The following BHLHE40 variants were observed in gnomAD, a reference collection of about 807,000 sequenced individuals.
BHLHE40 encodes basic helix-loop-helix family member e40.
In BHLHE40, 3 loss-of-function variants were observed where a neutral mutation model predicts 35.7. The ratio of observed to expected loss-of-function variants is 0.08; its 90% CI spans 0.04 to 0.22. The LOEUF is 0.22. Ranked by LOEUF, BHLHE40 falls within the 10% of genes least tolerant of loss-of-function variation. The pLI is 1.00. For synonymous variants in BHLHE40, 236 were observed against 213.0 expected (o/e 1.11, Z -0.94); for missense variants, 486 against 524.0 (o/e 0.93, Z 0.71).
intron 3 of BHLHE40, 95 bp from the exon 4 acceptor site, chr3:4,981,297 T>G: frequency 1.1e-6 from 1 of 903,716 alleles, no homozygotes; most frequent in South Asian, 2.2e-5. Flanking sequence ...ACTATTCCAC[T>G]TTTTTTTTTC....
intron 4 of BHLHE40, among the ~76,000 whole-genome samples, chr3:4,982,411 T>C (rs530760501): frequency 2.0e-5 from 3 of 152,362 alleles, no homozygotes; most frequent in Non-Finnish European, 4.4e-5. Flanking sequence ...CCTCATTTTA[T>C]AACTATCCAG....
In BHLHE40 at chr3:4,979,697, A is replaced by G. The variant is rs1435442124; in HGVS notation, c.-22A>G. The G allele has an allele frequency of 1.3e-6, 2 of 1,551,118 alleles. No homozygotes were observed. Among genetic ancestry groups the G allele is most frequent in the Admixed American group, 2.0e-5 (1 of 51,108 alleles). Reference sequence around the variant, plus strand: ...TCCGCTAGTGCAGACAGGAGCGCGCAGTGGCCCCGGCTCGCCGCGCCATGG... The same window carrying G: ...TCCGCTAGTGCAGACAGGAGCGCGCGGTGGCCCCGGCTCGCCGCGCCATGG... On this transcript the variant is annotated 5_prime_UTR_variant, in exon 1 of 5. Coordinates refer to ENST00000256495, the MANE Select transcript of BHLHE40 (RefSeq NM_003670.3).
chr3:4,981,142 G>C (rs2053190727), intron 3 of BHLHE40, among the ~76,000 whole-genome samples: 1 of 147,772 alleles, frequency 6.8e-6, no homozygotes, highest in African/African-American at 2.5e-5. Flanking sequence ...GGTGGCACCC[G>C]TTTTTTTAAA....
Position 4,983,788 on chromosome 3 carries a change from G to C in BHLHE40, c.*96G>C. ...GTGAATGCTGCAAGATTGTTGCATTGTGTATACTGAGATAATCTGAGGCAT... is the reference window on the plus strand; with the variant it reads ...GTGAATGCTGCAAGATTGTTGCATTCTGTATACTGAGATAATCTGAGGCAT... On this transcript the variant is annotated 3_prime_UTR_variant, in exon 5 of 5. Transcript: ENST00000256495. This position sits in a 1 kb window ranked among gnomAD's most constrained non-coding sequence, Gnocchi z 5.0. The C allele has an allele frequency of 5.6e-6, 8 of 1,429,354 alleles. No individual in the cohort carries two copies. Among genetic ancestry groups the C allele is most frequent in the Non-Finnish European group, 7.5e-6 (8 of 1,065,662 alleles). The allele number at this position is 1,429,354 out of a possible 1,614,324, so 88.5% of individuals were successfully genotyped here. A position where few individuals can be genotyped will look rare whatever the true frequency, so the allele number is the denominator to read the frequency against.
chr3:4,983,912 T>C lies in BHLHE40; in HGVS notation c.*220T>C, dbSNP rs992307268. 1.0e-5 allele frequency: 6 copies of C among 596,632 alleles called. No individual in the cohort carries two copies. The highest frequency in any genetic ancestry group is 1.9e-5 in the African/African-American group (1 of 53,460). The allele number at this position is 596,632 out of a possible 1,614,324, so 37.0% of individuals were successfully genotyped here. A position where few individuals can be genotyped will look rare whatever the true frequency, so the allele number is the denominator to read the frequency against. On this transcript the variant is annotated 3_prime_UTR_variant, in exon 5 of 5. Transcript: ENST00000256495. The surrounding 1 kb of genome is among the most constrained non-coding windows in gnomAD (Gnocchi z 5.0). ...TGTTGGTATAGGACTTTAAAGCTCC[T>C]TTTGGCATAGGGAAGTCACGAAGGA...
At chr3:4,981,537 G>C (rs780019423) in intron 4 of BHLHE40, 22 bp downstream of exon 4, 1 of 1,612,222 alleles carries the variant, frequency 6.2e-7, no homozygotes, top group South Asian at 1.1e-5. Flanking sequence ...TTCTGGCTAT[G>C]CTCTCTTTAA....
intron 1 of BHLHE40, 45 bp downstream of exon 1, chr3:4,979,843 A>G (rs370557443): frequency 1.5e-4 from 245 of 1,596,144 alleles, no homozygotes; most frequent in Admixed American, 8.8e-5. Context: ...CTGCAGCCCC[A>G]TGTTATGCGC....
At chr3:4,982,723 TA>T in intron 4 of BHLHE40, 112 bp from the exon 5 acceptor site, 1 of 1,279,674 alleles carries the variant, frequency 7.8e-7, no homozygotes, top group Non-Finnish European at 1.1e-6. Context: ...CACAAATCAG[TA>T]AATGCATTTT....
rs200850403 is a variant in BHLHE40 at position 4,983,003 on chromosome 3, C to G, written c.550C>G (p.Gln184Glu). ...CCACCGGGTGGTCTCGGAGCTGCTG[C>G]AGGGTGGTACCTCCAGGAAGCCATC... ...HLHRVVSELL[Q>E]GGTSRKPSDP... The change falls in exon 5 of 5, where the codon CAG becomes GAG. Residue 184 changes from glutamine (Q) to glutamate (E), a missense_variant. This residue lies in a region of BHLHE40 where 176 missense variants were observed against 180.5 expected (regional missense o/e 0.98). Transcript: ENST00000256495. The surrounding 1 kb of genome is among the most constrained non-coding windows in gnomAD (Gnocchi z 5.0). 1.2e-6 allele frequency: 2 copies of G among 1,613,486 alleles called. No individual in the cohort carries two copies. Among genetic ancestry groups the G allele is most frequent in the African/African-American group, 2.7e-5 (2 of 75,026 alleles).
In BHLHE40 at chr3:4,983,308, C is replaced by G. The variant is rs778322402; in HGVS notation, c.855C>G (p.Pro285=). 1 of 1,614,144 alleles carries G rather than the reference C, an allele frequency of 6.2e-7. No homozygotes were observed. The highest frequency in any genetic ancestry group is 8.5e-7 in the Non-Finnish European group (1 of 1,180,020). The change falls in exon 5 of 5, where the codon CCC becomes CCG. Residue 285 remains proline, a synonymous_variant. Coordinates refer to ENST00000256495, the MANE Select transcript of BHLHE40 (RefSeq NM_003670.3). This position sits in a 1 kb window ranked among gnomAD's most constrained non-coding sequence, Gnocchi z 5.0. ...IGAIKQESEE[P]PTKKNRMQLS... The stretch of plus-strand genomic sequence containing the variant: ...CAATTAAGCAAGAGTCCGAAGAACC[C>G]CCCACAAAAAAGAACCGGATGCAGC...
Position 4,984,776 on chromosome 3 carries a change from T to C in BHLHE40, c.*1084T>C, listed in dbSNP as rs910822498. On this transcript the variant is annotated 3_prime_UTR_variant, in exon 5 of 5. Coordinates refer to ENST00000256495, the MANE Select transcript of BHLHE40 (RefSeq NM_003670.3). ...AGTTTTATTTTTGGTCCAGAGTACT[T>C]GTTTTCCCGATGTGTCCAGCCAGCT... 1 of 152,656 alleles carries C rather than the reference T, an allele frequency of 6.6e-6. No individual in the cohort carries two copies. Among genetic ancestry groups the C allele is most frequent in the African/African-American group, 2.4e-5 (1 of 41,462 alleles). The allele number at this position is 152,656 out of a possible 1,614,324, so 9.5% of individuals were successfully genotyped here.
At position 4,979,492 on chromosome 3, in the gene BHLHE40, CTG is replaced by C. The variant is rs1291923153; in HGVS notation, c.-224_-223del. On this transcript the variant is annotated 5_prime_UTR_variant, in exon 1 of 5. Transcript: ENST00000256495. ...CGCGCAGGGAGCACACACCGCCAGT[CTG>C]TGCGCTGAGTCGGAGCCAGAGGCCG... is the stretch of plus-strand genomic sequence containing the variant. The C allele has an allele frequency of 1.7e-6, 1 of 594,540 alleles. No homozygotes were observed. The highest frequency in any genetic ancestry group is 3.0e-6 in the Non-Finnish European group (1 of 334,448). The allele number at this position is 594,540 out of a possible 1,614,324, so 36.8% of individuals were successfully genotyped here. A position where few individuals can be genotyped will look rare whatever the true frequency, so the allele number is the denominator to read the frequency against.
chr3:4,982,712 A>T (rs1360654399), intron 4 of BHLHE40, 124 bp from the exon 5 acceptor site: 1 of 1,247,450 alleles, frequency 8.0e-7, no homozygotes, highest in Non-Finnish European at 1.1e-6. Context: ...GGAGTTAGGA[A>T]CACAAATCAG....
intron 3 of BHLHE40, 25 bp downstream of exon 3, chr3:4,980,433 C>T (rs2053182033): frequency 1.3e-6 from 2 of 1,597,752 alleles, no homozygotes; most frequent in East Asian, 2.2e-5. Context: ...GGCCCCTTTC[C>T]AACCCAGTCC....
rs1377398704 is a variant in BHLHE40 at position 4,979,473 on chromosome 3, G to C, written c.-246G>C. On this transcript the variant is annotated 5_prime_UTR_variant, in exon 1 of 5. Transcript: ENST00000256495. ...TCGCACGGCGCAGACAGACCGCGCA[G>C]GGAGCACACACCGCCAGTCTGTGCG... 2 of 449,560 alleles carry C rather than the reference G, an allele frequency of 4.4e-6. No homozygotes were observed. The highest frequency in any genetic ancestry group is 8.1e-6 in the Non-Finnish European group (2 of 246,898). 27.8% of individuals were successfully genotyped at this position (449,560 alleles called of 1,614,324 possible).
rs1364327750 is a variant in BHLHE40, at chr3:4,979,727, G to C, written c.9G>C (p.Arg3=). 1.3e-6 allele frequency: 2 copies of C among 1,563,452 alleles called. No homozygotes were observed. The highest frequency in any genetic ancestry group is 2.3e-5 in the South Asian group (2 of 85,378). Residue 3 remains arginine (R), a synonymous_variant, in exon 1 of 5, where the codon CGG becomes CGC. Coordinates refer to ENST00000256495, the MANE Select transcript of BHLHE40 (RefSeq NM_003670.3). ...CCCCGGCTCGCCGCGCCATGGAGCG[G>C]ATCCCCAGCGCGCAACCACCCCCCG... ME[R]IPSAQPPPAC...
At chr3:4,981,103 T>C (rs534973713) in intron 3 of BHLHE40, among the ~76,000 whole-genome samples, 328 of 151,386 alleles carry the variant, frequency 2.2e-3, no homozygotes, top group African/African-American at 7.5e-3. Flanking sequence ...CCTGAGGTAG[T>C]TGCAGCTTCC....
intron 4 of BHLHE40, among the ~76,000 whole-genome samples, chr3:4,982,351 A>G (rs986088747): frequency 6.6e-6 from 1 of 152,240 alleles, no homozygotes; most frequent in African/African-American, 2.4e-5. Flanking sequence ...ACTTTTACAA[A>G]TCATTGAAAA....
Position 4,983,311 on chromosome 3 carries a change from C to G in BHLHE40, c.858C>G (p.Pro286=), listed in dbSNP as rs757872715. 1.2e-6 allele frequency: 2 copies of G among 1,614,182 alleles called. No individual in the cohort carries two copies. The highest frequency in any genetic ancestry group is 1.7e-6 in the Non-Finnish European group (2 of 1,180,032). ...TTAAGCAAGAGTCCGAAGAACCCCC[C>G]ACAAAAAAGAACCGGATGCAGCTTT... ...GAIKQESEEP[P]TKKNRMQLSD... Residue 286 remains proline, a synonymous_variant, in exon 5 of 5, where the codon CCC becomes CCG. Coordinates refer to ENST00000256495, the MANE Select transcript of BHLHE40 (RefSeq NM_003670.3). The surrounding 1 kb of genome is among the most constrained non-coding windows in gnomAD (Gnocchi z 5.0).
Sources: allele counts gnomAD v4.1 joint callset (sites outside exome capture counted in the v4.1 genomes callset), GRCh38; gene constraint gnomAD v4.1.1; regional missense constraint gnomAD v4.1.1; non-coding constraint Gnocchi (gnomAD v3.1); transcripts MANE v1.5; gene names NCBI Gene and HGNC (gene_info 2026-07-23, HGNC 2026-07-21).